The following CCDC60 variants were observed in gnomAD, a reference collection of about 807,000 sequenced individuals.
CCDC60 encodes the protein coiled-coil domain-containing protein 60.
Under a neutral mutation model 63.5 loss-of-function variants are expected in CCDC60, and 54 were observed. The observed-to-expected ratio is 0.85, with a 90% CI of 0.68 to 1.07. The LOEUF is 1.07. CCDC60 is among the 50% of genes least tolerant of loss of function. The pLI, the probability that CCDC60 is intolerant of heterozygous loss-of-function variation, is 0.00. For synonymous variants in CCDC60, 206 were observed against 238.8 expected, an observed-to-expected ratio of 0.86 and a Z score of 1.27; for missense variants, 651 against 684.3, an observed-to-expected ratio of 0.95 and a Z score of 0.54.
chr12:119,467,985 A>G (rs921337179), intron 2 of CCDC60, among the ~76,000 whole-genome samples: 1 of 152,134 alleles, frequency 6.6e-6, no homozygotes, highest in Non-Finnish European at 1.5e-5. Flanking sequence ...TAAATATAAA[A>G]GCCAGGCAGC....
At chr12:119,352,371 T>G (rs1156327954) in intron 1 of CCDC60, among the ~76,000 whole-genome samples, 1 of 152,208 alleles carries the variant, frequency 6.6e-6, no homozygotes, top group Non-Finnish European at 1.5e-5. Context: ...TTACTAAGGG[T>G]TCACTGTGTG....
chr12:119,412,196 A>G (rs992044380), intron 1 of CCDC60, among the ~76,000 whole-genome samples: 5 of 152,124 alleles, frequency 3.3e-5, no homozygotes, highest in African/African-American at 1.2e-4. Context: ...TCCAGCCCCA[A>G]GCAGCTCTCC....
chr12:119,455,178 C>T (rs553500265), intron 2 of CCDC60, among the ~76,000 whole-genome samples: 1 of 152,076 alleles, frequency 6.6e-6, no homozygotes, highest in African/African-American at 2.4e-5. Context: ...TTGATGCCCA[C>T]GATAATGTGG....
intron 2 of CCDC60, among the ~76,000 whole-genome samples, chr12:119,444,528 T>C (rs1316054027): frequency 6.6e-6 from 1 of 152,234 alleles, no homozygotes; most frequent in Non-Finnish European, 1.5e-5. Context: ...TCATGGGAAG[T>C]CTAGAGTCTC....
intron 6 of CCDC60, 107 bp from the exon 7 acceptor site, chr12:119,504,962 G>T: frequency 2.7e-6 from 2 of 750,162 alleles, no homozygotes; most frequent in Non-Finnish European, 2.2e-6. Flanking sequence ...CCCAGGCTTT[G>T]CTTTTGTCTG....
intron 4 of CCDC60, among the ~76,000 whole-genome samples, chr12:119,484,901 G>C (rs892489985): frequency 6.6e-6 from 1 of 152,182 alleles, no homozygotes; most frequent in Non-Finnish European, 1.5e-5. Context: ...GGAAAGTCAA[G>C]TAATCAGGTA....
chr12:119,484,311 G>C (rs1462951088), intron 4 of CCDC60, among the ~76,000 whole-genome samples: 1 of 152,174 alleles, frequency 6.6e-6, no homozygotes, highest in African/African-American at 2.4e-5. Flanking sequence ...CAGTGGTCTG[G>C]CATAGAGTAA....
At chr12:119,527,725 A>G (rs1174904726) in intron 11 of CCDC60, among the ~76,000 whole-genome samples, 6 of 126,668 alleles carry the variant, frequency 4.7e-5, no homozygotes, top group South Asian at 2.4e-4. Flanking sequence ...CGCCCAGGCT[A>G]GAGTGCAGTG....
chr12:119,418,386 C>CT lies in CCDC60; in HGVS notation c.91-10251dup, dbSNP rs556783132. On this transcript the variant is annotated intron_variant, in intron 1 of 13. Transcript: ENST00000327554. ...TCTTTCTTTTTCCTTTTCTTTCTTTCTTTTTTTTTTTTTTTTTTTTTTTTT... is the reference window on the plus strand; with the variant it reads ...TCTTTCTTTTTCCTTTTCTTTCTTTCTTTTTTTTTTTTTTTTTTTTTTTTTT... Among the ~76,000 whole-genome samples, 2 of 65,752 alleles carry CT rather than the reference C, an allele frequency of 3.0e-5. 1 individual carries two copies. The highest frequency in any genetic ancestry group is 1.3e-4 in the African/African-American group (2 of 15,646). 43.1% of individuals were successfully genotyped at this position (65,752 alleles called of 152,430 possible).
chr12:119,373,854 C>A (rs545801920), intron 1 of CCDC60, among the ~76,000 whole-genome samples: 3 of 152,280 alleles, frequency 2.0e-5, no homozygotes, highest in Admixed American at 6.5e-5. Flanking sequence ...TTTCACGTTT[C>A]ATTTGTTATC....
Position 119,420,705 on chromosome 12 carries a change from A to C in CCDC60, c.91-7978A>C, listed in dbSNP as rs1328507304. On this transcript the variant is annotated intron_variant, in intron 1 of 13. Transcript: ENST00000327554. This position sits in a 1 kb window ranked among gnomAD's most constrained non-coding sequence, Gnocchi z 4.1. The stretch of plus-strand genomic sequence containing the variant: ...TAATAACTCACTTTTTAAATGACTA[A>C]GAGTATAATTGGATTGTTTGTAACT... Among the ~76,000 whole-genome samples, 2 of 152,192 alleles carry C rather than the reference A, an allele frequency of 1.3e-5. No individual in the cohort carries two copies. The highest frequency in any genetic ancestry group is 4.8e-5 in the African/African-American group (2 of 41,432).
intron 11 of CCDC60, among the ~76,000 whole-genome samples, chr12:119,524,725 T>C (rs1952638478): frequency 7.0e-6 from 1 of 142,522 alleles, no homozygotes; most frequent in African/African-American, 2.7e-5. Context: ...TCTTTTCTTT[T>C]TTTTTTTTTT....
In CCDC60 at chr12:119,511,146, C is replaced by A. The variant is rs569883810; in HGVS notation, c.884-5477C>A. 4.6e-5 allele frequency among the ~76,000 whole-genome samples: 7 copies of A among 152,300 alleles called. No homozygotes were observed. In the Middle Eastern group the frequency reaches 0.01, roughly 222 times the overall value. On this transcript the variant is annotated intron_variant, in intron 7 of 13. Transcript: ENST00000327554. ...AAGTTTGCTACTTTAGCCTCCCAAACCTTTTCCTCCATTTATACCTTAACC... is the reference window on the plus strand; with the variant it reads ...AAGTTTGCTACTTTAGCCTCCCAAAACTTTTCCTCCATTTATACCTTAACC...
At chr12:119,370,565 AG>A (rs969945565) in intron 1 of CCDC60, among the ~76,000 whole-genome samples, 5 of 152,216 alleles carry the variant, frequency 3.3e-5, no homozygotes, top group Non-Finnish European at 5.9e-5. Flanking sequence ...GTCTATGTGA[AG>A]GGGTCACGTG....
At chr12:119,369,211 A>G (rs192224479) in intron 1 of CCDC60, among the ~76,000 whole-genome samples, 6 of 152,292 alleles carry the variant, frequency 3.9e-5, no homozygotes, top group African/African-American at 1.4e-4. Context: ...TGCTAAATCC[A>G]GGCCTGAGAA....
intron 4 of CCDC60, among the ~76,000 whole-genome samples, chr12:119,480,827 TCAC>T (rs747857012): frequency 6.9e-6 from 1 of 145,318 alleles, no homozygotes; most frequent in African/African-American, 2.7e-5. Flanking sequence ...ACCACCATCA[TCAC>T]CACCATCATC....
At chr12:119,399,579 A>T (rs1021145198) in intron 1 of CCDC60, among the ~76,000 whole-genome samples, 3 of 152,122 alleles carry the variant, frequency 2.0e-5, no homozygotes, top group Non-Finnish European at 4.4e-5. Context: ...CCTTTTAATT[A>T]TAATTATACT....
chr12:119,378,744 G>A (rs959791008), intron 1 of CCDC60, among the ~76,000 whole-genome samples: 5 of 152,092 alleles, frequency 3.3e-5, no homozygotes, highest in African/African-American at 1.2e-4. Context: ...TTTTGTTTTT[G>A]TTTTTGCGAA....
intron 1 of CCDC60, among the ~76,000 whole-genome samples, chr12:119,415,937 G>T (rs4465416): frequency 0.44 from 66,890 of 151,842 alleles, 14,975 homozygotes; most frequent in South Asian, 0.59. Flanking sequence ...TAGATAAGGG[G>T]AGGGGAGGGT....
Sources: gnomAD v4.1 joint callset for allele counts (sites outside exome capture counted in the v4.1 genomes callset) on GRCh38, gnomAD v4.1.1 for gene constraint, Gnocchi (gnomAD v3.1) non-coding constraint, MANE v1.5 for transcripts, NCBI Gene and HGNC (gene_info 2026-07-23, HGNC 2026-07-21) for gene names.